Variants in WWOX observed in about 807,000 individuals in gnomAD.
WWOX encodes WW domain-containing oxidoreductase.
In WWOX, 69 loss-of-function variants were observed where a neutral mutation model predicts 46.2. That is an observed-to-expected ratio of 1.49 (90% CI 1.23 to 1.82). The LOEUF (loss-of-function observed/expected upper bound fraction) is 1.82. Among genes scored for constraint, WWOX ranks in the 40% most tolerant of loss-of-function variants. The probability of loss-of-function intolerance (pLI) is 0.00; values close to 1 mark genes in which losing one functional copy is unlikely to be tolerated. For synonymous variants in WWOX, 359 were observed against 202.6 expected, an observed-to-expected ratio of 1.77 and a Z score of -6.56; for missense variants, 919 against 542.6, an observed-to-expected ratio of 1.69 and a Z score of -6.89.
chr16:78,136,031 C>T (rs1033067738), intron 4 of WWOX, among the ~76,000 whole-genome samples: 5 of 152,040 alleles, frequency 3.3e-5, no homozygotes, highest in Non-Finnish European at 5.9e-5. Flanking sequence ...AAATGGCATC[C>T]GATTTTCTTA....
At chr16:79,143,852 C>T (rs367733386) in intron 8 of WWOX, among the ~76,000 whole-genome samples, 28 of 152,018 alleles carry the variant, frequency 1.8e-4, no homozygotes, top group African/African-American at 4.6e-4. Context: ...GATATGAAGC[C>T]GATGCAGCTA....
intron 8 of WWOX, among the ~76,000 whole-genome samples, chr16:78,740,267 A>C (rs1222242092): frequency 6.6e-6 from 1 of 152,222 alleles, no homozygotes; most frequent in African/African-American, 2.4e-5. Context: ...GATGCGACTC[A>C]GACGGCTGCC....
At chr16:79,052,900 C>G (rs5021355) in intron 8 of WWOX, among the ~76,000 whole-genome samples, 3 of 148,958 alleles carry the variant, frequency 2.0e-5, no homozygotes, top group East Asian at 2.0e-4. Flanking sequence ...TGTCTGCAAT[C>G]GATCTGAAAT....
intron 8 of WWOX, among the ~76,000 whole-genome samples, chr16:79,119,671 C>T (rs1217037281): frequency 6.6e-6 from 1 of 152,188 alleles, no homozygotes; most frequent in Non-Finnish European, 1.5e-5. Flanking sequence ...ACGGGACTGT[C>T]CAGCCGGGAG....
intron 8 of WWOX, among the ~76,000 whole-genome samples, chr16:78,596,870 TCA>T (rs1209901914): frequency 6.6e-6 from 1 of 151,950 alleles, no homozygotes; most frequent in East Asian, 1.9e-4. Context: ...GGGTTGGAGA[TCA>T]CACACACACA....
intron 8 of WWOX, among the ~76,000 whole-genome samples, chr16:78,853,507 A>G (rs1307677353): frequency 6.6e-6 from 1 of 152,198 alleles, no homozygotes; most frequent in East Asian, 1.9e-4. Flanking sequence ...TTCAGCAAAC[A>G]TTCCATAACC....
chr16:79,086,851 C>G (rs1046758006), intron 8 of WWOX, among the ~76,000 whole-genome samples: 1 of 152,202 alleles, frequency 6.6e-6, no homozygotes, highest in East Asian at 1.9e-4. Flanking sequence ...CCACTGCGCT[C>G]CAGCCTGGGT....
chr16:78,741,826 G>C (rs2049235277), intron 8 of WWOX, among the ~76,000 whole-genome samples: 2 of 152,238 alleles, frequency 1.3e-5, no homozygotes, highest in South Asian at 4.1e-4. Flanking sequence ...CTACACTCCA[G>C]CCTGGGCGGC....
At chr16:79,072,211 A>T (rs958919691) in intron 8 of WWOX, among the ~76,000 whole-genome samples, 2 of 152,098 alleles carry the variant, frequency 1.3e-5, no homozygotes, top group African/African-American at 4.8e-5. Context: ...GCTTGAGCCT[A>T]GGGGGTTGAG....
intron 8 of WWOX, among the ~76,000 whole-genome samples, chr16:79,128,136 G>T (rs2150689661): frequency 6.6e-6 from 1 of 152,258 alleles, no homozygotes; most frequent in East Asian, 1.9e-4. Flanking sequence ...GAGAGAAGAA[G>T]AGATTTAAGA....
intron 8 of WWOX, among the ~76,000 whole-genome samples, chr16:78,725,170 T>G (rs2048795036): frequency 6.6e-6 from 1 of 151,836 alleles, no homozygotes; most frequent in African/African-American, 2.4e-5. Flanking sequence ...ACCTTTCACT[T>G]GGCTCTCATT....
chr16:79,160,258 C>G (rs954198086), intron 8 of WWOX, among the ~76,000 whole-genome samples: 1 of 152,114 alleles, frequency 6.6e-6, no homozygotes, highest in Non-Finnish European at 1.5e-5. Flanking sequence ...CCCTGGTCCA[C>G]AGAGCCACCA....
At chr16:78,104,049 T>C (rs1236129045) in intron 1 of WWOX, among the ~76,000 whole-genome samples, 1 of 151,990 alleles carries the variant, frequency 6.6e-6, no homozygotes, top group Non-Finnish European at 1.5e-5. Flanking sequence ...AGCCCCTTCA[T>C]GGGAGATGGG....
At chr16:78,742,268 G>C (rs1397488725) in intron 8 of WWOX, among the ~76,000 whole-genome samples, 1 of 152,150 alleles carries the variant, frequency 6.6e-6, no homozygotes, top group Non-Finnish European at 1.5e-5. Context: ...AGGCAGTTTG[G>C]AGACCACTCA....
chr16:78,836,145 TG>T (rs2051978186), intron 8 of WWOX, among the ~76,000 whole-genome samples: 1 of 152,124 alleles, frequency 6.6e-6, no homozygotes, highest in Admixed American at 6.6e-5. Context: ...GCCTCTTCTT[TG>T]TAAGGGTATA....
At chr16:78,249,840 G>A (rs1382511752) in intron 5 of WWOX, among the ~76,000 whole-genome samples, 7 of 152,016 alleles carry the variant, frequency 4.6e-5, no homozygotes, top group African/African-American at 9.7e-5. Flanking sequence ...GTGGGGTGGG[G>A]GCTGGGGGCT....
At chr16:78,367,963 G>T (rs922588868) in intron 5 of WWOX, among the ~76,000 whole-genome samples, 1 of 151,964 alleles carries the variant, frequency 6.6e-6, no homozygotes, top group African/African-American at 2.4e-5. Flanking sequence ...CACCATGTTG[G>T]TCAGGCTGGT....
At chr16:78,317,561 T>C (rs2080379704) in intron 5 of WWOX, among the ~76,000 whole-genome samples, 1 of 152,140 alleles carries the variant, frequency 6.6e-6, no homozygotes, top group African/African-American at 2.4e-5. Context: ...CTTACCTCCT[T>C]CCAGAACCTG....
In WWOX at chr16:78,669,097, A is replaced by G. The variant is rs9939428; in HGVS notation, c.1056+236345A>G. ...GCTACAACTGGAGCTAAGCAGATGG[A>G]TAAGCCAAAACCACCTCCGTTGCTG... On this transcript the variant is annotated intron_variant, in intron 8 of 8. Transcript: ENST00000566780. Among the ~76,000 whole-genome samples, 1,400 of 152,292 alleles carry G rather than the reference A, an allele frequency of 9.2e-3. 24 individuals are homozygous for G. The highest frequency in any genetic ancestry group is 0.031 in the African/African-American group (1,301 of 41,564).
Sources: gnomAD v4.1 joint callset for allele counts (sites outside exome capture counted in the v4.1 genomes callset) on GRCh38, gnomAD v4.1.1 for gene constraint, MANE v1.5 for transcripts, NCBI Gene and HGNC (gene_info 2026-07-23, HGNC 2026-07-21) for gene names.